The following CCDC177 variants were observed in gnomAD, a reference collection of about 807,000 sequenced individuals.
CCDC177 encodes the protein coiled-coil domain-containing protein 177.
In CCDC177, 2 loss-of-function variants were observed where a neutral mutation model predicts 7.3. The ratio of observed to expected loss-of-function variants is 0.28; its 90% CI spans 0.11 to 0.87. The LOEUF is 0.87. Among genes scored for constraint, CCDC177 ranks in the 40% least tolerant of loss-of-function variants. CCDC177 has a pLI of 0.61. For missense variants in CCDC177, 874 were observed against 970.5 expected, an observed-to-expected ratio of 0.90 and a Z score of 1.32; for synonymous variants, 401 against 449.2, an observed-to-expected ratio of 0.89 and a Z score of 1.36.
chr14:69,571,364 C>G lies in CCDC177; in HGVS notation c.*135G>C, dbSNP rs933069534. The G allele has an allele frequency of 7.2e-6, 4 of 553,748 alleles. No individual in the cohort carries two copies. Among genetic ancestry groups the G allele is most frequent in the African/African-American group, 1.9e-5 (1 of 53,762 alleles). 34.3% of individuals were successfully genotyped at this position (553,748 alleles called of 1,614,324 possible). A position where few individuals can be genotyped will look rare whatever the true frequency, so the allele number is the denominator to read the frequency against. On this transcript the variant is annotated 3_prime_UTR_variant, in exon 2 of 2. Transcript: ENST00000599174. ...AGCTGACAGGTCCCAAACGTCTGTA[C>G]TGTTGTTGCCTCATTGGTCAGAAGC...
rs1347154831 is a variant in CCDC177, at chr14:69,572,047, C to CCTGGCGCTGCTGCCGGGT, written c.1558_1575dup (p.Thr520_Gln525dup). On this transcript the variant is annotated inframe_insertion, in exon 2 of 2. Coordinates refer to ENST00000599174, the MANE Select transcript of CCDC177 (RefSeq NM_001271507.2). ...AGCGAGCTCCGCAGGCCCTCTCGCT[C>CCTGGCGCTGCTGCCGGGT]CTGGCGCTGCTGCCGGGTCCGACCC... 1 of 1,231,046 alleles carries CCTGGCGCTGCTGCCGGGT rather than the reference C, an allele frequency of 8.1e-7. No individual in the cohort carries two copies. The highest frequency in any genetic ancestry group is 1.6e-5 in the African/African-American group (1 of 64,362). The allele number at this position is 1,231,046 out of a possible 1,614,324, so 76.3% of individuals were successfully genotyped here.
chr14:69,571,895 G>A lies in CCDC177; in HGVS notation c.1728C>T (p.Arg576=). The part of the protein sequence containing the change: ...QGRRAKEAAE[R]KEREHQAHLE... The stretch of plus-strand genomic sequence containing the variant: ...GGTGCGCCTGATGTTCCCGCTCTTT[G>A]CGCTCTGCCGCCTCCTTGGCCCGCC... Residue 576 remains arginine (R), a synonymous_variant, in exon 2 of 2, where the codon CGC becomes CGT. Transcript: ENST00000599174. 9.7e-6 allele frequency: 12 copies of A among 1,231,638 alleles called. No individual in the cohort carries two copies. The highest frequency in any genetic ancestry group is 4.1e-5 in the South Asian group (1 of 24,332). The allele number at this position is 1,231,638 out of a possible 1,614,324, so 76.3% of individuals were successfully genotyped here.
At position 69,570,611 on chromosome 14, in the gene CCDC177, G is replaced by A. The variant is rs963148744; in HGVS notation, c.*888C>T. 5.6e-6 allele frequency: 2 copies of A among 359,968 alleles called. No individual in the cohort carries two copies. Among genetic ancestry groups the A allele is most frequent in the East Asian group, 7.3e-5 (1 of 13,696 alleles). The allele number at this position is 359,968 out of a possible 1,614,324, so 22.3% of individuals were successfully genotyped here. A position where few individuals can be genotyped will look rare whatever the true frequency, so the allele number is the denominator to read the frequency against. ...TGGAGATTTAGGCAGGAACAGCCTGGGCAGGCACGTAAGGTAGCTCTGCTT... is the reference window on the plus strand; with the variant it reads ...TGGAGATTTAGGCAGGAACAGCCTGAGCAGGCACGTAAGGTAGCTCTGCTT... On this transcript the variant is annotated 3_prime_UTR_variant, in exon 2 of 2. Transcript: ENST00000599174.
Position 69,572,296 on chromosome 14 carries a change from C to T in CCDC177, c.1327G>A (p.Ala443Thr). The part of the protein sequence containing the change: ...ERQGLLRRER[A>T]ERAAREDRLR... Reference sequence around the variant, plus strand: ...CGATCCTCCCGGGCCGCGCGCTCCGCCCGCTCCCGCCGCAGGAGGCCCTGG... The same window carrying T: ...CGATCCTCCCGGGCCGCGCGCTCCGTCCGCTCCCGCCGCAGGAGGCCCTGG... Residue 443 changes from alanine (A) to threonine (T), a missense_variant, in exon 2 of 2, where the codon GCG becomes ACG. Ala to Thr is a moderately conservative substitution (Grantham distance 58). Transcript: ENST00000599174. 4.9e-6 allele frequency: 6 copies of T among 1,228,060 alleles called. No homozygotes were observed. The highest frequency in any genetic ancestry group is 6.4e-5 in the East Asian group (2 of 31,456). The allele number at this position is 1,228,060 out of a possible 1,614,324, so 76.1% of individuals were successfully genotyped here. A position where few individuals can be genotyped will look rare whatever the true frequency, so the allele number is the denominator to read the frequency against.
At position 69,570,898 on chromosome 14, in the gene CCDC177, T is replaced by C. The variant is rs1394262643; in HGVS notation, c.*601A>G. Reference sequence around the variant, plus strand: ...GACTAAACTGGAAAACTATCAAAACTGGTGAGAATTTGCTCAGGTGGCCGA... The same window carrying C: ...GACTAAACTGGAAAACTATCAAAACCGGTGAGAATTTGCTCAGGTGGCCGA... On this transcript the variant is annotated 3_prime_UTR_variant, in exon 2 of 2. Transcript: ENST00000599174. 1 of 457,740 alleles carries C rather than the reference T, an allele frequency of 2.2e-6. No homozygotes were observed. Among genetic ancestry groups the C allele is most frequent in the East Asian group, 6.9e-5 (1 of 14,398 alleles). The allele number at this position is 457,740 out of a possible 1,614,324, so 28.4% of individuals were successfully genotyped here.
At position 69,572,760 on chromosome 14, in the gene CCDC177, C is replaced by T. The variant is rs907421281; in HGVS notation, c.863G>A (p.Gly288Asp). Residue 288 changes from glycine to aspartate, a missense_variant, in exon 2 of 2, where the codon GGC becomes GAC. By Grantham distance (94) the Gly-to-Asp change is moderately conservative (BLOSUM62 -1). Transcript: ENST00000599174. The stretch of plus-strand genomic sequence containing the variant: ...AACCAGGGTCAGGGCAGACGGGCGG[C>T]CCGGAGCGTTGGTGGTGGAGGACGC... ...GSASSTTNAP[G>D]RPSALTLVPI... 8.1e-7 allele frequency: 1 copy of T among 1,231,550 alleles called. No individual in the cohort carries two copies. The allele number at this position is 1,231,550 out of a possible 1,614,324, so 76.3% of individuals were successfully genotyped here.
intron 1 of CCDC177, 131 bp downstream of exon 1, chr14:69,574,411 G>C (rs1884395213): frequency 6.6e-6 from 1 of 152,238 alleles, no homozygotes; most frequent in Non-Finnish European, 1.5e-5. Flanking sequence ...CACCCCAGTC[G>C]GGGTTCAGAT....
chr14:69,571,568 C>T lies in CCDC177; in HGVS notation c.2055G>A (p.Glu685=). ...TGCGGTCGAAGGATCGCGTGTTGGT[C>T]TCCTCGCGCACCTTCTCACGCACGT... ...SFHVREKVRE[E]TNTRSFDRMV... is the part of the protein sequence containing the mutation. Residue 685 remains glutamate, a synonymous_variant, in exon 2 of 2, where the codon GAG becomes GAA. Coordinates refer to ENST00000599174, the MANE Select transcript of CCDC177 (RefSeq NM_001271507.2). The T allele has an allele frequency of 2.4e-6, 3 of 1,237,208 alleles. No individual in the cohort carries two copies. In the East Asian group the frequency reaches 9.4e-5, roughly 39 times the overall value. 76.6% of individuals were successfully genotyped at this position (1,237,208 alleles called of 1,614,324 possible).
chr14:69,570,552 C>T lies in CCDC177; in HGVS notation c.*947G>A. On this transcript the variant is annotated 3_prime_UTR_variant, in exon 2 of 2. Coordinates refer to ENST00000599174, the MANE Select transcript of CCDC177 (RefSeq NM_001271507.2). Reference sequence around the variant, plus strand: ...CAGAGGGAATCCTACACTCCAAACTCTCTGGGGCCCACCCTTGAGACGGCA... The same window carrying T: ...CAGAGGGAATCCTACACTCCAAACTTTCTGGGGCCCACCCTTGAGACGGCA... The T allele has an allele frequency of 2.9e-6, 1 of 350,754 alleles. No homozygotes were observed. The highest frequency in any genetic ancestry group is 2.2e-5 in the South Asian group (1 of 44,708). 21.7% of individuals were successfully genotyped at this position (350,754 alleles called of 1,614,324 possible).
At position 69,572,652 on chromosome 14, in the gene CCDC177, TGAC is replaced by T; in HGVS notation, c.968_970del (p.Arg323del). ...GCGCAGGCCGCGCTCTGCACGCACT[TGAC>T]GCACGATGCGCTCCACGTGCTGAGC... On this transcript the variant is annotated inframe_deletion, in exon 2 of 2. Transcript: ENST00000599174. 8.1e-7 allele frequency: 1 copy of T among 1,231,300 alleles called. No homozygotes were observed. Among genetic ancestry groups the T allele is most frequent in the Non-Finnish European group, 1.0e-6 (1 of 987,630 alleles). The allele number at this position is 1,231,300 out of a possible 1,614,324, so 76.3% of individuals were successfully genotyped here. A position where few individuals can be genotyped will look rare whatever the true frequency, so the allele number is the denominator to read the frequency against.
chr14:69,571,616 G>A lies in CCDC177; in HGVS notation c.2007C>T (p.Arg669=). 1 of 1,234,498 alleles carries A rather than the reference G, an allele frequency of 8.1e-7. No individual in the cohort carries two copies. Among genetic ancestry groups the A allele is most frequent in the Non-Finnish European group, 1.0e-6 (1 of 989,632 alleles). 76.5% of individuals were successfully genotyped at this position (1,234,498 alleles called of 1,614,324 possible). The change falls in exon 2 of 2, where the codon CGC becomes CGT. Residue 669 remains arginine, a synonymous_variant. Coordinates refer to ENST00000599174, the MANE Select transcript of CCDC177 (RefSeq NM_001271507.2). ...RERRSALESA[R]STARASFHVR... ...CGTGGAAGGAAGCCCGGGCTGTGGA[G>A]CGGGCGCTCTCCAGCGCACTGCGCC...
Position 69,571,995 on chromosome 14 carries a change from T to C in CCDC177, c.1628A>G (p.Glu543Gly). ...CTGCTCCACCAAATGCTCGTAGTTC[T>C]CCTGCGCACGGCCCAAACTGGCTTC... ...SLEASLGRAQ[E>G]NYEHLVEQRT... The change falls in exon 2 of 2, where the codon GAG becomes GGG. Residue 543 changes from glutamate (E) to glycine (G), a missense_variant. By Grantham distance (98) the Glu-to-Gly change is moderately conservative. Coordinates refer to ENST00000599174, the MANE Select transcript of CCDC177 (RefSeq NM_001271507.2). 8.1e-7 allele frequency: 1 copy of C among 1,231,552 alleles called. No individual in the cohort carries two copies. The highest frequency in any genetic ancestry group is 3.2e-5 in the East Asian group (1 of 31,644). The allele number at this position is 1,231,552 out of a possible 1,614,324, so 76.3% of individuals were successfully genotyped here. A position where few individuals can be genotyped will look rare whatever the true frequency, so the allele number is the denominator to read the frequency against.
At position 69,571,258 on chromosome 14, in the gene CCDC177, G is replaced by C. The variant is rs770899958; in HGVS notation, c.*241C>G. ...ACATAGGGAAGTTTGGCAAGGGTCG[G>C]TGCGGGAGCCATCAAGGGTGGATGT... On this transcript the variant is annotated 3_prime_UTR_variant, in exon 2 of 2. Transcript: ENST00000599174. 1.7e-6 allele frequency: 1 copy of C among 586,568 alleles called. No homozygotes were observed. Among genetic ancestry groups the C allele is most frequent in the Non-Finnish European group, 3.0e-6 (1 of 330,356 alleles). 36.3% of individuals were successfully genotyped at this position (586,568 alleles called of 1,614,324 possible). A position where few individuals can be genotyped will look rare whatever the true frequency, so the allele number is the denominator to read the frequency against.
rs1482236748 is a variant in CCDC177 at position 69,572,370 on chromosome 14, T to C, written c.1253A>G (p.Gln418Arg). Residue 418 changes from glutamine (Q) to arginine (R), a missense_variant, in exon 2 of 2, where the codon CAG (glutamine) becomes CGG (arginine). Transcript: ENST00000599174. ...CTCCTCGCTGCGCTCGTACTGCCGCTGCCGCCGCCGCGCCGCCTCGCGCTC... is the reference window on the plus strand; with the variant it reads ...CTCCTCGCTGCGCTCGTACTGCCGCCGCCGCCGCCGCGCCGCCTCGCGCTC... ...REEREAARRR[Q>R]RQYERSEERR... The C allele has an allele frequency of 3.3e-6, 4 of 1,220,320 alleles. No individual in the cohort carries two copies. The African/African-American group carries it at 6.3e-5, about 19-fold the overall frequency. 75.6% of individuals were successfully genotyped at this position (1,220,320 alleles called of 1,614,324 possible).
Position 69,573,109 on chromosome 14 carries a change from C to CAA in CCDC177, c.513_514insTT (p.Ala172LeufsTer90), listed in dbSNP as rs1884369780. 8.2e-7 allele frequency: 1 copy of CAA among 1,223,606 alleles called. No individual in the cohort carries two copies. Among genetic ancestry groups the CAA allele is most frequent in the Non-Finnish European group, 1.0e-6 (1 of 983,322 alleles). The allele number at this position is 1,223,606 out of a possible 1,614,324, so 75.8% of individuals were successfully genotyped here. A position where few individuals can be genotyped will look rare whatever the true frequency, so the allele number is the denominator to read the frequency against. ...GCCGCGGCGGCGGCGGCGGCGGCGG[C>CAA]GGCCGCGGGGCTCAAAGGCGTGAAA... On this transcript the variant is annotated frameshift_variant, in exon 2 of 2. Transcript: ENST00000599174. LOFTEE classifies it low-confidence loss of function (END_TRUNC).
In CCDC177 at chr14:69,571,150, A is replaced by ACCTCTGCCCTCTCCTGGGGGGC; in HGVS notation, c.*327_*348dup. ...TGCTGCAGAAGGGGTGGGGACAACCACCTCTGCCCTCTCCTGGGGGGCCCT... is the reference window on the plus strand; with the variant it reads ...TGCTGCAGAAGGGGTGGGGACAACCACCTCTGCCCTCTCCTGGGGGGCCCTCTGCCCTCTCCTGGGGGGCCCT... On this transcript the variant is annotated 3_prime_UTR_variant, in exon 2 of 2. Transcript: ENST00000599174. The ACCTCTGCCCTCTCCTGGGGGGC allele has an allele frequency of 4.0e-6, 2 of 498,996 alleles. No individual in the cohort carries two copies. The highest frequency in any genetic ancestry group is 3.8e-5 in the African/African-American group (2 of 51,976). The allele number at this position is 498,996 out of a possible 1,614,324, so 30.9% of individuals were successfully genotyped here. A position where few individuals can be genotyped will look rare whatever the true frequency, so the allele number is the denominator to read the frequency against.
rs1397941595 is a variant in CCDC177 at position 69,570,073 on chromosome 14, G to A, written c.*1426C>T. 1 of 152,202 alleles carries A rather than the reference G, an allele frequency of 6.6e-6. No homozygotes were observed. The highest frequency in any genetic ancestry group is 2.4e-5 in the African/African-American group (1 of 41,422). 9.4% of individuals were successfully genotyped at this position (152,202 alleles called of 1,614,324 possible). A position where few individuals can be genotyped will look rare whatever the true frequency, so the allele number is the denominator to read the frequency against. The stretch of plus-strand genomic sequence containing the variant: ...ACCACAGAGTGACCTGGTATTGCAA[G>A]TATTTCACCCCAGAGGCTAAATGAC... On this transcript the variant is annotated 3_prime_UTR_variant, in exon 2 of 2. Coordinates refer to ENST00000599174, the MANE Select transcript of CCDC177 (RefSeq NM_001271507.2).
chr14:69,572,432 C>A lies in CCDC177; in HGVS notation c.1191G>T (p.Ala397=). 4.1e-6 allele frequency: 5 copies of A among 1,228,168 alleles called. No homozygotes were observed. The highest frequency in any genetic ancestry group is 5.1e-6 in the Non-Finnish European group (5 of 985,760). The allele number at this position is 1,228,168 out of a possible 1,614,324, so 76.1% of individuals were successfully genotyped here. ...ALEQGRRAWA[A]QVEERRGRRG... is the part of the protein sequence containing the mutation. The stretch of plus-strand genomic sequence containing the variant: ...GGCGGCCTCGCCGCTCCTCCACCTG[C>A]GCGGCCCAGGCTCGGCGGCCCTGCT... Residue 397 remains alanine (A), a synonymous_variant, in exon 2 of 2, where the codon GCG becomes GCT. Transcript: ENST00000599174.
chr14:69,572,518 G>A lies in CCDC177; in HGVS notation c.1105C>T (p.Gln369Ter). 3.2e-6 allele frequency: 4 copies of A among 1,231,066 alleles called. No homozygotes were observed. Among genetic ancestry groups the A allele is most frequent in the Non-Finnish European group, 4.1e-6 (4 of 987,516 alleles). 76.3% of individuals were successfully genotyped at this position (1,231,066 alleles called of 1,614,324 possible). The change falls in exon 2 of 2, where the codon CAG becomes TAG. Residue 369 changes from glutamine (Q) to a stop codon, truncating the protein, a stop_gained. Coordinates refer to ENST00000599174, the MANE Select transcript of CCDC177 (RefSeq NM_001271507.2). LOFTEE classifies it low-confidence loss of function (END_TRUNC). ...RAAAHGQWELQRVHAKQRRER... is the reference protein window; with the variant it reads ...RAAAHGQWEL ...CGCCGCTGCTTGGCGTGCACGCGCT[G>A]CAGCTCCCACTGGCCGTGGGCAGCC...
Sources: gnomAD v4.1 joint callset for allele counts on GRCh38, gnomAD v4.1.1 for gene constraint, MANE v1.5 for transcripts, NCBI Gene and HGNC (gene_info 2026-07-23, HGNC 2026-07-21) for gene names.